Variants in PRDX2 observed in about 807,000 individuals in gnomAD.
PRDX2 encodes the protein peroxiredoxin-2.
A neutral mutation model predicts 19.8 loss-of-function variants in PRDX2; 10 were observed. The observed-to-expected ratio is 0.50, with a 90% CI of 0.31 to 0.86. The LOEUF (loss-of-function observed/expected upper bound fraction) is 0.86, where lower values mean the gene tolerates loss of function less well. Ranked by LOEUF, PRDX2 falls within the 40% of genes least tolerant of loss-of-function variation. PRDX2 has a pLI of 0.04. For missense variants in PRDX2, 226 were observed against 260.1 expected (o/e 0.87, Z 0.90); for synonymous variants, 118 against 108.2 (o/e 1.09, Z -0.56).
rs767358319 is a variant in PRDX2, at chr19:12,801,078, G to A, written c.104-9C>T. The stretch of plus-strand genomic sequence containing the variant: ...GAGGACCACGTACTTCCCTGGGGAG[G>A]AGGGACACAGAGGAGTTAGGGCCCA... On this transcript the variant is annotated splice_polypyrimidine_tract_variant and intron_variant, in intron 2 of 5. Transcript: ENST00000301522. 5 of 1,611,696 alleles carry A rather than the reference G, an allele frequency of 3.1e-6. No individual in the cohort carries two copies. The highest frequency in any genetic ancestry group is 4.2e-6 in the Non-Finnish European group (5 of 1,178,308).
chr19:12,800,363 TG>T, intron 3 of PRDX2, 64 bp from the exon 4 acceptor site: 1 of 1,562,750 alleles, frequency 6.4e-7, no homozygotes, highest in Non-Finnish European at 8.7e-7. Flanking sequence ...CCTCACCCTG[TG>T]GGCCCAATGT....
At chr19:12,797,656 C>CTTTCTTTTTTTTTTTTTTTTTTTTTTTT (rs1321932913) in intron 5 of PRDX2, among the ~76,000 whole-genome samples, 1 of 113,062 alleles carries the variant, frequency 8.8e-6, no homozygotes, top group African/African-American at 3.6e-5. Flanking sequence ...TTCTTTCTTT[C>CTTTCTTTTTTTTTTTTTTTTTTTTTTTT]TTTTTTTTTT....
At chr19:12,799,817 G>T (rs754422227) in intron 5 of PRDX2, 42 bp downstream of exon 5, 1 of 1,597,504 alleles carries the variant, frequency 6.3e-7, no homozygotes, top group Non-Finnish European at 8.5e-7. Context: ...AGTGACGGAG[G>T]CGCTCAGTAT....
intron 4 of PRDX2, 45 bp downstream of exon 4, chr19:12,800,132 G>C (rs781379618): frequency 5.9e-5 from 94 of 1,605,986 alleles, no homozygotes; most frequent in Non-Finnish European, 7.9e-5. Context: ...TCACAGGAAT[G>C]GGGGGCAGGG....
intron 4 of PRDX2, 68 bp from the exon 5 acceptor site, chr19:12,800,057 C>T (rs1328671367): frequency 6.2e-7 from 1 of 1,601,386 alleles, no homozygotes; most frequent in African/African-American, 1.3e-5. Flanking sequence ...AAGGGACTAC[C>T]AACCACCCGC....
chr19:12,800,784 G>T (rs755088051), intron 3 of PRDX2, 132 bp downstream of exon 3: 119 of 1,546,476 alleles, frequency 7.7e-5, no homozygotes, highest in Non-Finnish European at 1.0e-4. Context: ...AGACTTGGGC[G>T]GCAATGTTTC....
Position 12,800,948 on chromosome 19 carries a change from G to T in PRDX2, c.225C>A (p.Val75=). ...GGTGGGTGAACTGAGAGTCCACCGA[G>T]ACGCCCAGCACTTCACAGCCCAGCT... The part of the protein sequence containing the change: ...FRKLGCEVLG[V]SVDSQFTHLA... The change falls in exon 3 of 6, where the codon GTC becomes GTA. Residue 75 remains valine (V), a synonymous_variant. Coordinates refer to ENST00000301522, the MANE Select transcript of PRDX2 (RefSeq NM_005809.6). 1 of 1,611,366 alleles carries T rather than the reference G, an allele frequency of 6.2e-7. No individual in the cohort carries two copies.
At chr19:12,800,326 G>A (rs779996341) in intron 3 of PRDX2, 27 bp from the exon 4 acceptor site, 1 of 1,601,340 alleles carries the variant, frequency 6.2e-7, no homozygotes, top group South Asian at 1.1e-5. Flanking sequence ...CAGAGTTGGG[G>A]CCTCAGGATG....
Position 12,801,122 on chromosome 19 carries a change from C to T in PRDX2, c.103+37G>A, listed in dbSNP as rs185617225. On this transcript the variant is annotated intron_variant, in intron 2 of 5. Coordinates refer to ENST00000301522, the MANE Select transcript of PRDX2 (RefSeq NM_005809.6). ...GGGCCCAGCTTCTCTCATGCACGGC[C>T]CCGCTTCTACCTGGGCCCCCTCCGG... 7.1e-5 allele frequency: 114 copies of T among 1,613,886 alleles called. No individual in the cohort carries two copies. The African/African-American group carries it at 1.3e-3, about 18-fold the overall frequency.
intron 5 of PRDX2, 133 bp downstream of exon 5, chr19:12,799,722 GCAGA>G: frequency 8.1e-7 from 1 of 1,226,996 alleles, no homozygotes; most frequent in East Asian, 2.5e-5. Flanking sequence ...GAAACATCCT[GCAGA>G]CAAAGCCCTG....
rs534702204 is a variant in PRDX2 at position 12,800,223 on chromosome 19, A to G, written c.334T>C (p.Ser112Pro). 3 of 1,613,886 alleles carry G rather than the reference A, an allele frequency of 1.9e-6. No individual in the cohort carries two copies. The highest frequency in any genetic ancestry group is 2.5e-6 in the Non-Finnish European group (3 of 1,179,976). Residue 112 changes from serine to proline, a missense_variant, in exon 4 of 6, where the codon TCT becomes CCT. Transcript: ENST00000301522. ...GTTTTCAGCACGCCGTAATCCTCAGACAAGCGTCTGGTCACGTCAGCAAGC... is the reference window on the plus strand; with the variant it reads ...GTTTTCAGCACGCCGTAATCCTCAGGCAAGCGTCTGGTCACGTCAGCAAGC... ...PLLADVTRRL[S>P]EDYGVLKTDE...
Position 12,799,706 on chromosome 19 carries a change from A to G in PRDX2, c.511+153T>C, listed in dbSNP as rs1968854707. ...TGTCAGGCGTTATTTGTCTCCTACCACATTAGAAACATCCTGCAGACAAAG... is the reference window on the plus strand; with the variant it reads ...TGTCAGGCGTTATTTGTCTCCTACCGCATTAGAAACATCCTGCAGACAAAG... On this transcript the variant is annotated intron_variant, in intron 5 of 5. Coordinates refer to ENST00000301522, the MANE Select transcript of PRDX2 (RefSeq NM_005809.6). 3 of 1,082,384 alleles carry G rather than the reference A, an allele frequency of 2.8e-6. No individual in the cohort carries two copies. In the South Asian group the frequency reaches 4.9e-5, roughly 18 times the overall value. 67.0% of individuals were successfully genotyped at this position (1,082,384 alleles called of 1,614,324 possible).
Position 12,797,110 on chromosome 19 carries a change from T to C in PRDX2, c.568A>G (p.Ser190Gly). The C allele has an allele frequency of 6.2e-7, 1 of 1,614,192 alleles. No individual in the cohort carries two copies. The highest frequency in any genetic ancestry group is 8.5e-7 in the Non-Finnish European group (1 of 1,180,036). The change falls in exon 6 of 6, where the codon AGC (serine) becomes GGC (glycine). Residue 190 changes from serine to glycine, a missense_variant. Physicochemically the swap from Ser to Gly is moderately conservative, Grantham distance 56. Transcript: ENST00000301522. ...TTGTGTTTGGAGAAATATTCCTTGC[T>C]GTCATCCACGTTGGGCTTAATCGTG... The part of the protein sequence containing the change: ...SDTIKPNVDD[S>G]KEYFSKHN
At chr19:12,800,144 G>T (rs752821540) in intron 4 of PRDX2, 33 bp downstream of exon 4, 1 of 1,609,260 alleles carries the variant, frequency 6.2e-7, no homozygotes, top group African/African-American at 1.3e-5. Context: ...GGGGCAGGGC[G>T]CTCCCTGAGC....
At chr19:12,798,466 C>T (rs976701689) in intron 5 of PRDX2, among the ~76,000 whole-genome samples, 1 of 152,014 alleles carries the variant, frequency 6.6e-6, no homozygotes, top group South Asian at 2.1e-4. Context: ...ATTCTCTTGC[C>T]TCAGCCTCCC....
At chr19:12,800,787 AAT>A (rs1968880089) in intron 3 of PRDX2, 127 bp downstream of exon 3, 1 of 1,547,590 alleles carries the variant, frequency 6.5e-7, no homozygotes, top group Non-Finnish European at 8.7e-7. Flanking sequence ...CTTGGGCGGC[AAT>A]GTTTCCATTA....
chr19:12,801,217 G>GA lies in PRDX2; in HGVS notation c.44dup (p.Lys16GlnfsTer7), dbSNP rs757541017. The GA allele has an allele frequency of 1.5e-5, 24 of 1,613,968 alleles. No individual in the cohort carries two copies. The East Asian group carries it at 5.1e-4, about 34-fold the overall frequency. On this transcript the variant is annotated frameshift_variant, in exon 2 of 6. Transcript: ENST00000301522. LOFTEE classifies it high-confidence loss of function. ...CGCCATCAACCACCGCTGTGGCCTT[G>GA]AAGTCAGGGGCTGGCTTTCCGATGC...
rs1372346789 is a variant in PRDX2 at position 12,801,037 on chromosome 19, C to T, written c.136G>A (p.Asp46Asn). 4 of 1,606,272 alleles carry T rather than the reference C, an allele frequency of 2.5e-6. No homozygotes were observed. The African/African-American group carries it at 4.1e-5, about 17-fold the overall frequency. Residue 46 changes from aspartate to asparagine, a missense_variant, in exon 3 of 6, where the codon GAC becomes AAC. By Grantham distance (23) the Asp-to-Asn change is conservative (BLOSUM62 1). Coordinates refer to ENST00000301522, the MANE Select transcript of PRDX2 (RefSeq NM_005809.6). ...KYVVLFFYPLDFTFVCPTEII... is the reference protein window; with the variant it reads ...KYVVLFFYPLNFTFVCPTEII... ...TCGGTGGGGCACACAAAAGTGAAGT[C>T]CAGAGGGTAGAAAAAGAGGACCACG...
rs368386808 is a variant in PRDX2, at chr19:12,801,005, G to T, written c.168C>A (p.Ile56=). ...AGTCCTCTGCACGGTTGCTGAACGCGATGATCTCGGTGGGGCACACAAAAG... is the reference window on the plus strand; with the variant it reads ...AGTCCTCTGCACGGTTGCTGAACGCTATGATCTCGGTGGGGCACACAAAAG... ...DFTFVCPTEI[I]AFSNRAEDFR... is the part of the protein sequence containing the mutation. The change falls in exon 3 of 6, where the codon ATC becomes ATA. Residue 56 remains isoleucine (I), a synonymous_variant. Coordinates refer to ENST00000301522, the MANE Select transcript of PRDX2 (RefSeq NM_005809.6). 1.2e-6 allele frequency: 2 copies of T among 1,612,574 alleles called. No individual in the cohort carries two copies. The highest frequency in any genetic ancestry group is 1.7e-6 in the Non-Finnish European group (2 of 1,179,640).
Sources: gnomAD v4.1 joint callset for allele counts (sites outside exome capture counted in the v4.1 genomes callset) on GRCh38, gnomAD v4.1.1 for gene constraint, MANE v1.5 for transcripts, NCBI Gene and HGNC (gene_info 2026-07-23, HGNC 2026-07-21) for gene names.